The following STX8 variants were observed in gnomAD, a reference collection of about 807,000 sequenced individuals.
STX8 encodes the protein syntaxin 8.
Under a neutral mutation model 37.5 loss-of-function variants are expected in STX8, and 23 were observed. That is an observed-to-expected ratio of 0.61 (90% CI 0.44 to 0.87). STX8 has a LOEUF of 0.87. Ranked by LOEUF, STX8 falls within the 40% of genes least tolerant of loss-of-function variation. The pLI, the probability that STX8 is intolerant of heterozygous loss-of-function variation, is 0.00. For synonymous variants in STX8, 115 were observed against 99.1 expected (o/e 1.16, Z -0.95); for missense variants, 313 against 284.7 (o/e 1.10, Z -0.71).
intron 6 of STX8, among the ~76,000 whole-genome samples, chr17:9,416,146 C>T (rs1344149390): frequency 6.6e-6 from 1 of 152,160 alleles, no homozygotes; most frequent in Non-Finnish European, 1.5e-5. Flanking sequence ...GCCCTGGTTG[C>T]ACATTAAAAG....
intron 3 of STX8, chr17:9,547,246 C>CAAAAAAAAAAAAAAAAAAAAAAAAAAAA (rs11300957): frequency 1.5e-5 from 2 of 129,636 alleles, no homozygotes; most frequent in African/African-American, 3.0e-5. Flanking sequence ...GACTCTGTCT[C>CAAAAAAAAAAAAAAAAAAAAAAAAAAAA]AAAAAAAAAA....
At chr17:9,546,591 G>T (rs9903194) in intron 3 of STX8, among the ~76,000 whole-genome samples, 10,999 of 52,910 alleles carry the variant, frequency 0.21, 1,586 homozygotes, top group South Asian at 0.29. Context: ...TACAAAAGTG[G>T]TTTTTTTTTT....
chr17:9,422,240 G>C (rs769488642), intron 6 of STX8, among the ~76,000 whole-genome samples: 8 of 152,102 alleles, frequency 5.3e-5, no homozygotes, highest in Non-Finnish European at 8.8e-5. Context: ...CAGTAACTGG[G>C]ATTACAGGCG....
chr17:9,421,937 C>A (rs1435967477), intron 6 of STX8, among the ~76,000 whole-genome samples: 1 of 152,098 alleles, frequency 6.6e-6, no homozygotes, highest in African/African-American at 2.4e-5. Context: ...CCCCTTTGTT[C>A]TCTCTTCCTC....
intron 6 of STX8, among the ~76,000 whole-genome samples, chr17:9,413,335 C>A (rs763227852): frequency 3.9e-5 from 6 of 152,196 alleles, no homozygotes; most frequent in Non-Finnish European, 7.4e-5. Context: ...CATCAACTGG[C>A]AAGCACTGCC....
chr17:9,510,628 T>C (rs958034088), intron 4 of STX8, among the ~76,000 whole-genome samples: 4 of 151,992 alleles, frequency 2.6e-5, no homozygotes, highest in Admixed American at 6.6e-5. Flanking sequence ...AGTAGTACTA[T>C]GAGGCAAGTG....
In STX8 at chr17:9,265,340, A is replaced by G. The variant is rs1663835156; in HGVS notation, c.644-14695T>C. 2.6e-5 allele frequency among the ~76,000 whole-genome samples: 4 copies of G among 152,228 alleles called. No individual in the cohort carries two copies. In the South Asian group the frequency reaches 8.3e-4, roughly 32 times the overall value. On this transcript the variant is annotated intron_variant, in intron 7 of 7. Transcript: ENST00000306357. ...TCACCCTCTTGAAACAAAGCTAACA[A>G]GAACACTCTGGATGGGGCACGCTAG...
chr17:9,413,259 G>A (rs759465552), intron 6 of STX8, among the ~76,000 whole-genome samples: 1 of 152,208 alleles, frequency 6.6e-6, no homozygotes, highest in Non-Finnish European at 1.5e-5. Flanking sequence ...ACTGACCAGG[G>A]CTAAGTGGGT....
chr17:9,368,922 C>T (rs897563534), intron 7 of STX8, among the ~76,000 whole-genome samples: 28 of 145,328 alleles, frequency 1.9e-4, no homozygotes, highest in African/African-American at 6.4e-4. Context: ...ACCTTTTACC[C>T]TTTTTTTTTT....
At chr17:9,386,415 G>T (rs1912015448) in intron 6 of STX8, among the ~76,000 whole-genome samples, 1 of 152,146 alleles carries the variant, frequency 6.6e-6, no homozygotes, top group South Asian at 2.1e-4. Context: ...GGTTGCCTCT[G>T]GGGTGCTTGA....
intron 7 of STX8, among the ~76,000 whole-genome samples, chr17:9,302,326 T>C (rs1908818105): frequency 6.6e-6 from 1 of 152,194 alleles, no homozygotes; most frequent in Non-Finnish European, 1.5e-5. Flanking sequence ...GACATTTGCC[T>C]ATTTAATCTG....
At chr17:9,516,888 A>G (rs541773251) in intron 4 of STX8, among the ~76,000 whole-genome samples, 1 of 152,304 alleles carries the variant, frequency 6.6e-6, no homozygotes, top group South Asian at 2.1e-4. Context: ...CCATAAAACA[A>G]GCAAACTAAG....
At chr17:9,378,103 G>T (rs766151490) in intron 7 of STX8, 2 of 158,044 alleles carry the variant, frequency 1.3e-5, no homozygotes, top group Non-Finnish European at 2.8e-5. Context: ...TTCTTATCTT[G>T]GCATATGAAT....
chr17:9,463,273 A>C (rs1905470247), intron 6 of STX8, among the ~76,000 whole-genome samples: 1 of 152,194 alleles, frequency 6.6e-6, no homozygotes, highest in Non-Finnish European at 1.5e-5. Flanking sequence ...ATGAGTATTA[A>C]ATACAATAAT....
At chr17:9,373,152 A>T (rs1911469213) in intron 7 of STX8, among the ~76,000 whole-genome samples, 1 of 151,720 alleles carries the variant, frequency 6.6e-6, no homozygotes, top group African/African-American at 2.4e-5. Context: ...AGAAAAAGAA[A>T]ATACTGGAAA....
At chr17:9,319,609 T>C (rs1035910043) in intron 7 of STX8, among the ~76,000 whole-genome samples, 2 of 152,164 alleles carry the variant, frequency 1.3e-5, no homozygotes, top group African/African-American at 4.8e-5. Flanking sequence ...TTTGAGGATC[T>C]TGGTCTCCAG....
chr17:9,507,210 C>A lies in STX8; in HGVS notation c.324-2048G>T, dbSNP rs551867672. On this transcript the variant is annotated intron_variant, in intron 4 of 7. Transcript: ENST00000306357. This position sits in a 1 kb window ranked among gnomAD's most constrained non-coding sequence, Gnocchi z 4.0. ...CCCCTACAGACATGCCCCCGGCCTGCCCAAAGGCCCCACACCTCAATCAGG... is the reference window on the plus strand; with the variant it reads ...CCCCTACAGACATGCCCCCGGCCTGACCAAAGGCCCCACACCTCAATCAGG... Among the ~76,000 whole-genome samples the A allele has an allele frequency of 4.0e-5, 6 of 150,620 alleles. No homozygotes were observed. Among genetic ancestry groups the A allele is most frequent in the African/African-American group, 1.5e-4 (6 of 40,936 alleles).
intron 7 of STX8, among the ~76,000 whole-genome samples, chr17:9,308,451 G>A (rs144342009): frequency 9.8e-5 from 15 of 152,294 alleles, no homozygotes; most frequent in South Asian, 6.2e-4. Context: ...ACAGCCAGGC[G>A]TGGTGGCTCA....
chr17:9,444,088 T>C (rs1904755001), intron 6 of STX8, among the ~76,000 whole-genome samples: 1 of 152,174 alleles, frequency 6.6e-6, no homozygotes, highest in Non-Finnish European at 1.5e-5. Context: ...ACACTTCTAT[T>C]TCCTGTCCAC....
Sources: gnomAD v4.1 joint callset for allele counts (sites outside exome capture counted in the v4.1 genomes callset) on GRCh38, gnomAD v4.1.1 for gene constraint, Gnocchi (gnomAD v3.1) non-coding constraint, MANE v1.5 for transcripts, NCBI Gene and HGNC (gene_info 2026-07-23, HGNC 2026-07-21) for gene names.